The following CLUL1 variants were observed in gnomAD, a reference collection of about 807,000 sequenced individuals.
CLUL1 encodes the protein clusterin-like protein 1.
A neutral mutation model predicts 49.4 loss-of-function variants in CLUL1; 43 were observed. The observed-to-expected ratio is 0.87, with a 90% CI of 0.68 to 1.12. CLUL1 has a LOEUF of 1.12. CLUL1 is among the 50% of genes most tolerant of loss of function. CLUL1 has a pLI of 0.00. For synonymous variants in CLUL1, 192 were observed against 184.9 expected, an observed-to-expected ratio of 1.04 and a Z score of -0.31; for missense variants, 486 against 544.4, an observed-to-expected ratio of 0.89 and a Z score of 1.07.
intron 6 of CLUL1, among the ~76,000 whole-genome samples, chr18:628,252 C>T (rs2073870456): frequency 6.6e-6 from 1 of 152,230 alleles, no homozygotes; most frequent in African/African-American, 2.4e-5. Context: ...TCACATATAA[C>T]CAGAGCAATT....
At chr18:647,710 C>T (rs570799152) in intron 9 of CLUL1, among the ~76,000 whole-genome samples, 3 of 152,164 alleles carry the variant, frequency 2.0e-5, no homozygotes, top group Non-Finnish European at 4.4e-5. Context: ...GTTACTGAGT[C>T]ATCAACAGAT....
intron 2 of CLUL1, among the ~76,000 whole-genome samples, chr18:617,302 T>C (rs1274866075): frequency 6.6e-6 from 1 of 152,030 alleles, no homozygotes; most frequent in Non-Finnish European, 1.5e-5. Flanking sequence ...ACATAGACTT[T>C]TGGAGGGAAA....
At chr18:609,209 A>G (rs1463381198) in intron 2 of CLUL1, among the ~76,000 whole-genome samples, 2 of 152,186 alleles carry the variant, frequency 1.3e-5, no homozygotes, top group Admixed American at 1.3e-4. Flanking sequence ...TATACATTGA[A>G]CCATCAGGAA....
At chr18:648,750 AG>A (rs2074589921) in intron 9 of CLUL1, among the ~76,000 whole-genome samples, 1 of 152,118 alleles carries the variant, frequency 6.6e-6, no homozygotes, top group African/African-American at 2.4e-5. Context: ...TCCACCTCCC[AG>A]GTTCAAGCGA....
chr18:598,357 A>G, intron 1 of CLUL1: 2 of 391,292 alleles, frequency 5.1e-6, no homozygotes, highest in Non-Finnish European at 9.0e-6. Context: ...TCCCTCAAAC[A>G]GTGAGATGTG....
chr18:626,877 AAG>A lies in CLUL1; in HGVS notation c.424-218_424-217del, dbSNP rs1394897070. Among the ~76,000 whole-genome samples the A allele has an allele frequency of 7.4e-3, 5 of 680 alleles. No homozygotes were observed. The East Asian group carries it at 0.5, about 68-fold the overall frequency. 0.4% of individuals were successfully genotyped at this position (680 alleles called of 152,430 possible). A position where few individuals can be genotyped will look rare whatever the true frequency, so the allele number is the denominator to read the frequency against. On this transcript the variant is annotated intron_variant, in intron 5 of 9. Coordinates refer to ENST00000692774, the MANE Select transcript of CLUL1 (RefSeq NM_001393344.1). ...CTCCATCTCAAATAAGAAAGAAAGA[AAG>A]AAAGAAAGAAAGAAAGAAAGAAAGA...
Position 619,292 on chromosome 18 carries a change from G to A in CLUL1, c.186G>A (p.Met62Ile). The A allele has an allele frequency of 6.2e-7, 1 of 1,614,022 alleles. No individual in the cohort carries two copies. Among genetic ancestry groups the A allele is most frequent in the Non-Finnish European group, 8.5e-7 (1 of 1,179,936 alleles). Residue 62 changes from methionine to isoleucine, a missense_variant, in exon 4 of 10, where the codon ATG (methionine) becomes ATA (isoleucine). Transcript: ENST00000692774. ...ALTGIKQMKI[M>I]MERKEKEHTN... The stretch of plus-strand genomic sequence containing the variant: ...CTGGTATTAAGCAAATGAAAATCAT[G>A]ATGGAAAGAAAAGAGAAGGAACACA...
At chr18:635,691 C>T (rs1239205857) in intron 7 of CLUL1, among the ~76,000 whole-genome samples, 1 of 152,086 alleles carries the variant, frequency 6.6e-6, no homozygotes, top group East Asian at 1.9e-4. Context: ...TTGGCTTTCT[C>T]TCCTCAATCT....
At position 644,927 on chromosome 18, in the gene CLUL1, T is replaced by C. The variant is rs531030673; in HGVS notation, c.1227T>C (p.His409=). The C allele has an allele frequency of 6.8e-6, 11 of 1,612,124 alleles. No individual in the cohort carries two copies. Among genetic ancestry groups the C allele is most frequent in the Non-Finnish European group, 8.5e-6 (10 of 1,179,052 alleles). Residue 409 remains histidine, a synonymous_variant, in exon 9 of 10, where the codon CAT becomes CAC. Transcript: ENST00000692774. ...TTCTGTAGGTAGTTCCAAGGATTCATGAAGGAAATATTTCCAAACAAGATG... is the reference window on the plus strand; with the variant it reads ...TTCTGTAGGTAGTTCCAAGGATTCACGAAGGAAATATTTCCAAACAAGATG... ...FNSIQVVPRI[H]EGNISKQDET... is the part of the protein sequence containing the mutation.
intron 1 of CLUL1, among the ~76,000 whole-genome samples, chr18:599,947 C>CA (rs369269965): frequency 0.024 from 3,170 of 132,590 alleles, 97 homozygotes; most frequent in African/African-American, 0.073. Context: ...GACTTCATCT[C>CA]AAAAAAAAAA....
chr18:614,782 T>A (rs938032631), intron 2 of CLUL1: 2 of 152,264 alleles, frequency 1.3e-5, no homozygotes, highest in African/African-American at 4.8e-5. Flanking sequence ...CCACTGTCAT[T>A]GTATCCTGGA....
chr18:648,044 TACA>T (rs2074562082), intron 9 of CLUL1, among the ~76,000 whole-genome samples: 1 of 152,128 alleles, frequency 6.6e-6, no homozygotes, highest in African/African-American at 2.4e-5. Context: ...ATCAGTAGAC[TACA>T]ACAAGAGTAA....
chr18:640,951 A>T (rs2074327064), intron 7 of CLUL1, among the ~76,000 whole-genome samples: 1 of 152,086 alleles, frequency 6.6e-6, no homozygotes, highest in Non-Finnish European at 1.5e-5. Context: ...CTGGACATAT[A>T]CATCCAAAAT....
intron 9 of CLUL1, among the ~76,000 whole-genome samples, chr18:645,625 C>T (rs2074451552): frequency 6.7e-6 from 1 of 150,162 alleles, no homozygotes; most frequent in African/African-American, 2.4e-5. Flanking sequence ...GAAACTGCGT[C>T]TCTACTAAAA....
chr18:618,820 AAG>A lies in CLUL1; in HGVS notation c.107-389_107-388del, dbSNP rs980171164. ...TTATTAGGTAACTGAAGCTGAAAGAAAGAGAAATTGCTGACTGTGTTTGAGGT... is the reference window on the plus strand; with the variant it reads ...TTATTAGGTAACTGAAGCTGAAAGAAAGAAATTGCTGACTGTGTTTGAGGT... On this transcript the variant is annotated intron_variant, in intron 3 of 9. Coordinates refer to ENST00000692774, the MANE Select transcript of CLUL1 (RefSeq NM_001393344.1). This position sits in a 1 kb window ranked among gnomAD's most constrained non-coding sequence, Gnocchi z 4.2. Among the ~76,000 whole-genome samples the A allele has an allele frequency of 2.0e-5, 3 of 152,192 alleles. No homozygotes were observed. Among genetic ancestry groups the A allele is most frequent in the African/African-American group, 7.2e-5 (3 of 41,458 alleles).
chr18:645,832 T>A (rs868854702), intron 9 of CLUL1, among the ~76,000 whole-genome samples: 10,377 of 83,010 alleles, frequency 0.13, 2,014 homozygotes, highest in East Asian at 0.24. Context: ...TATATATATA[T>A]ATATATATAT....
intron 9 of CLUL1, among the ~76,000 whole-genome samples, chr18:647,723 C>T (rs2074548181): frequency 6.6e-6 from 1 of 152,178 alleles, no homozygotes; most frequent in African/African-American, 2.4e-5. Context: ...CAACAGATCT[C>T]AGTTCAAATA....
Position 618,380 on chromosome 18 carries a change from T to C in CLUL1, c.106+274T>C, listed in dbSNP as rs1702460334. ...ACTGCATTTTTTTGTATCATCCAGA[T>C]GGTTGGTGTCATCTCAGCACAGCTC... On this transcript the variant is annotated intron_variant, in intron 3 of 9. Coordinates refer to ENST00000692774, the MANE Select transcript of CLUL1 (RefSeq NM_001393344.1). The surrounding 1 kb of genome is among the most constrained non-coding windows in gnomAD (Gnocchi z 4.2). 6.6e-6 allele frequency among the ~76,000 whole-genome samples: 1 copy of C among 152,164 alleles called. No homozygotes were observed. The highest frequency in any genetic ancestry group is 6.5e-5 in the Admixed American group (1 of 15,276).
chr18:640,847 T>C (rs1050898225), intron 7 of CLUL1, among the ~76,000 whole-genome samples: 3 of 152,252 alleles, frequency 2.0e-5, no homozygotes, highest in Non-Finnish European at 4.4e-5. Flanking sequence ...CAAATCTTTT[T>C]TTTTTCACTA....
Sources: gnomAD v4.1 joint callset for allele counts (sites outside exome capture counted in the v4.1 genomes callset) on GRCh38, gnomAD v4.1.1 for gene constraint, Gnocchi (gnomAD v3.1) non-coding constraint, MANE v1.5 for transcripts, NCBI Gene and HGNC (gene_info 2026-07-23, HGNC 2026-07-21) for gene names.